The following RTN4IP1 variants were observed in gnomAD, a reference collection of about 807,000 sequenced individuals.
RTN4IP1 encodes the protein NAD(P)H oxidoreductase RTN4IP1, mitochondrial.
RTN4IP1 carries 32 observed loss-of-function variants against 46.6 expected under a neutral mutation model. That is an observed-to-expected ratio of 0.69 (90% CI 0.52 to 0.92). The LOEUF is 0.92. RTN4IP1 is among the 40% of genes least tolerant of loss of function. The pLI, the probability that RTN4IP1 is intolerant of heterozygous loss-of-function variation, is 0.00. For synonymous variants in RTN4IP1, 167 were observed against 161.8 expected (o/e 1.03, Z -0.24); for missense variants, 424 against 485.8 (o/e 0.87, Z 1.20).
Position 106,621,455 on chromosome 6 carries a change from A to G in RTN4IP1, c.465T>C (p.Leu155=). ...AAVPPWKQGT[L]SEFVVVSGNE... is the part of the protein sequence containing the mutation. Reference sequence around the variant, plus strand: ...TCCCACTGACTACAACAAACTCTGAAAGAGTGCCTTGTTTCCAAGGAGGAA... The same window carrying G: ...TCCCACTGACTACAACAAACTCTGAGAGAGTGCCTTGTTTCCAAGGAGGAA... The change falls in exon 3 of 9, where the codon CTT becomes CTC. Residue 155 remains leucine (L), a synonymous_variant. Transcript: ENST00000369063. 6.2e-7 allele frequency: 1 copy of G among 1,614,056 alleles called. No homozygotes were observed. Among genetic ancestry groups the G allele is most frequent in the Non-Finnish European group, 8.5e-7 (1 of 1,179,940 alleles).
intron 8 of RTN4IP1, among the ~76,000 whole-genome samples, chr6:106,576,900 CTACTGGGT>C (rs1775242375): frequency 6.6e-6 from 1 of 152,196 alleles, no homozygotes; most frequent in Non-Finnish European, 1.5e-5. Context: ...TCTCCACCAT[CTACTGGGT>C]CAAGTAAGTG....
chr6:106,593,678 T>C (rs1434689245), intron 5 of RTN4IP1, among the ~76,000 whole-genome samples: 1 of 151,986 alleles, frequency 6.6e-6, no homozygotes, highest in African/African-American at 2.4e-5. Context: ...AAATAAAGGG[T>C]TTTTAACTTA....
intron 8 of RTN4IP1, among the ~76,000 whole-genome samples, chr6:106,580,643 C>T (rs1775344126): frequency 6.7e-6 from 1 of 149,434 alleles, no homozygotes; most frequent in African/African-American, 2.4e-5. Flanking sequence ...CGCTTGTACC[C>T]GGGAAGTGGA....
chr6:106,572,758 G>C (rs1582851605), intron 8 of RTN4IP1, among the ~76,000 whole-genome samples: 1 of 151,548 alleles, frequency 6.6e-6, no homozygotes, highest in African/African-American at 2.4e-5. Flanking sequence ...CTTACAGAGA[G>C]TGCATGGAAA....
At position 106,584,182 on chromosome 6, in the gene RTN4IP1, TCTCAC is replaced by T. The variant is rs201716996; in HGVS notation, c.991-767_991-763del. ...TTGAACTCCTGGTCTCAAGCAATCC[TCTCAC>T]CTCAGCCTCCCAAAGTGCTAGGATT... On this transcript the variant is annotated intron_variant, in intron 7 of 8. Coordinates refer to ENST00000369063, the MANE Select transcript of RTN4IP1 (RefSeq NM_032730.5). Among the ~76,000 whole-genome samples, 20 of 152,324 alleles carry T rather than the reference TCTCAC, an allele frequency of 1.3e-4. No homozygotes were observed. In the East Asian group the frequency reaches 3.7e-3, roughly 28 times the overall value.
intron 8 of RTN4IP1, chr6:106,572,461 C>A (rs146968804): frequency 2.8e-4 from 56 of 198,572 alleles, no homozygotes; most frequent in African/African-American, 1.2e-3. Flanking sequence ...AACGCTCTAC[C>A]TGCCATTTTC....
chr6:106,630,126 T>C (rs1332930386), upstream of RTN4IP1, among the ~76,000 whole-genome samples: 2 of 152,204 alleles, frequency 1.3e-5, no homozygotes, highest in Non-Finnish European at 2.9e-5. Flanking sequence ...TTTTGGCTTT[T>C]TTCAAAGAAT....
chr6:106,583,415 G>A lies in RTN4IP1; in HGVS notation c.996C>T (p.Phe332=). The change falls in exon 8 of 9, where the codon TTC becomes TTT. Residue 332 remains phenylalanine (F), a synonymous_variant. Coordinates refer to ENST00000369063, the MANE Select transcript of RTN4IP1 (RefSeq NM_032730.5). The stretch of plus-strand genomic sequence containing the variant: ...CCCAGCGATAATGGACTCCTTTCCA[G>A]AAATGCTAAAAAGAAGAAAACAAAA... ...VTVGSKALKH[F]WKGVHYRWAF... is the part of the protein sequence containing the mutation. 6.2e-7 allele frequency: 1 copy of A among 1,611,390 alleles called. No homozygotes were observed. Among genetic ancestry groups the A allele is most frequent in the Non-Finnish European group, 8.5e-7 (1 of 1,178,052 alleles).
At chr6:106,590,330 C>CA (rs938261095) in intron 6 of RTN4IP1, among the ~76,000 whole-genome samples, 26 of 148,838 alleles carry the variant, frequency 1.7e-4, no homozygotes, top group Non-Finnish European at 2.8e-4. Context: ...AAAACAAATA[C>CA]AAAAAAACAA....
chr6:106,588,830 G>T (rs932035891), intron 6 of RTN4IP1, among the ~76,000 whole-genome samples: 1 of 152,000 alleles, frequency 6.6e-6, no homozygotes, highest in Non-Finnish European at 1.5e-5. Context: ...GAAGGGCAAG[G>T]CCGGGTGCAG....
intron 5 of RTN4IP1, among the ~76,000 whole-genome samples, chr6:106,594,889 C>T (rs1775745539): frequency 6.6e-6 from 1 of 152,092 alleles, no homozygotes; most frequent in Non-Finnish European, 1.5e-5. Context: ...CAACCTCCAC[C>T]TCCCAGGTTC....
At chr6:106,627,615 C>A (rs889548702) in intron 1 of RTN4IP1, among the ~76,000 whole-genome samples, 1 of 151,932 alleles carries the variant, frequency 6.6e-6, no homozygotes, top group East Asian at 1.9e-4. Flanking sequence ...AAACTGAATT[C>A]TCTTCAAGCC....
intron 1 of RTN4IP1, among the ~76,000 whole-genome samples, chr6:106,628,068 A>G (rs537062132): frequency 6.6e-6 from 1 of 150,498 alleles, no homozygotes; most frequent in Non-Finnish European, 1.5e-5. Flanking sequence ...CTCTGTCTCA[A>G]AAACAAACAA....
At chr6:106,619,832 C>T (rs920943089) in intron 3 of RTN4IP1, among the ~76,000 whole-genome samples, 3 of 151,802 alleles carry the variant, frequency 2.0e-5, no homozygotes, top group East Asian at 1.9e-4. Context: ...AAGATGGTCT[C>T]GATCTCCTGA....
intron 8 of RTN4IP1, among the ~76,000 whole-genome samples, chr6:106,576,343 C>T (rs996955100): frequency 1.3e-5 from 2 of 152,142 alleles, no homozygotes; most frequent in African/African-American, 4.8e-5. Context: ...CTAAAAAATG[C>T]ACTTCCAACA....
At chr6:106,595,058 T>A (rs1362252633) in intron 5 of RTN4IP1, among the ~76,000 whole-genome samples, 1 of 152,194 alleles carries the variant, frequency 6.6e-6, no homozygotes, top group Admixed American at 6.5e-5. Flanking sequence ...CGCCTTGGCC[T>A]CCCAAAATGC....
In RTN4IP1 at chr6:106,627,743, C is replaced by CTTTTTTTTTTTTTTTTTT. The variant is rs759953237; in HGVS notation, c.274+987_274+1004dup. Among the ~76,000 whole-genome samples, 3 of 52,964 alleles carry CTTTTTTTTTTTTTTTTTT rather than the reference C, an allele frequency of 5.7e-5. 1 individual carries two copies. The highest frequency in any genetic ancestry group is 1.9e-4 in the African/African-American group (3 of 15,800). 34.7% of individuals were successfully genotyped at this position (52,964 alleles called of 152,430 possible). A position where few individuals can be genotyped will look rare whatever the true frequency, so the allele number is the denominator to read the frequency against. ...CAATCACAGTAAAGTCATTTCAATGCTTTTTTTTTTTTTTTTTTTTTTTTT... is the reference window on the plus strand; with the variant it reads ...CAATCACAGTAAAGTCATTTCAATGCTTTTTTTTTTTTTTTTTTTTTTTTTTTTTTTTTTTTTTTTTTT... On this transcript the variant is annotated intron_variant, in intron 1 of 8. Transcript: ENST00000369063.
At position 106,622,733 on chromosome 6, in the gene RTN4IP1, T is replaced by C. The variant is rs1299945827; in HGVS notation, c.426+85A>G. On this transcript the variant is annotated intron_variant, in intron 2 of 8. Coordinates refer to ENST00000369063, the MANE Select transcript of RTN4IP1 (RefSeq NM_032730.5). ...TAGCTGCACTGACAGGCAAAGTATC[T>C]GTGTCAGTGTGCGTCTCTCATCCGT... 2.9e-6 allele frequency: 4 copies of C among 1,383,338 alleles called. No individual in the cohort carries two copies. The East Asian group carries it at 1.0e-4, about 35-fold the overall frequency. The allele number at this position is 1,383,338 out of a possible 1,614,324, so 85.7% of individuals were successfully genotyped here. A position where few individuals can be genotyped will look rare whatever the true frequency, so the allele number is the denominator to read the frequency against.
chr6:106,602,982 G>T, intron 4 of RTN4IP1, 60 bp from the exon 5 acceptor site: 8 of 1,237,838 alleles, frequency 6.5e-6, no homozygotes, highest in Non-Finnish European at 9.1e-6. Flanking sequence ...CTGGATAAAC[G>T]TTTTCAACAA....
Sources: allele counts gnomAD v4.1 joint callset (sites outside exome capture counted in the v4.1 genomes callset), GRCh38; gene constraint gnomAD v4.1.1; transcripts MANE v1.5; gene names NCBI Gene and HGNC (gene_info 2026-07-23, HGNC 2026-07-21).